CSMD3: variants seen among roughly 807,000 people sequenced by gnomAD.
The protein encoded by CSMD3 is CUB and Sushi multiple domains 3.
In CSMD3, 177 loss-of-function variants were observed where a neutral mutation model predicts 435.2. The ratio of observed to expected loss-of-function variants is 0.41; its 90% CI spans 0.36 to 0.46. The LOEUF (loss-of-function observed/expected upper bound fraction) is 0.46. CSMD3 is among the 20% of genes least tolerant of loss of function. CSMD3 has a pLI of 0.34. For missense variants in CSMD3, 4,265 were observed against 4,504.6 expected (o/e 0.95, Z 1.52); for synonymous variants, 1,656 against 1,520.5 (o/e 1.09, Z -2.07).
chr8:112,526,089 GT>G (rs998691651), intron 27 of CSMD3, among the ~76,000 whole-genome samples: 1 of 150,740 alleles, frequency 6.6e-6, no homozygotes. Context: ...TATTGTTATT[GT>G]TTCAATTTCA....
At chr8:113,379,580 AG>A (rs1282874712) in intron 1 of CSMD3, among the ~76,000 whole-genome samples, 2 of 152,208 alleles carry the variant, frequency 1.3e-5, no homozygotes, top group Non-Finnish European at 2.9e-5. Context: ...TAAGCAGATA[AG>A]GTATCAGTAA....
At chr8:113,053,795 T>A (rs1354445248) in intron 5 of CSMD3, among the ~76,000 whole-genome samples, 1 of 152,166 alleles carries the variant, frequency 6.6e-6, no homozygotes. Context: ...GTTTTATTTA[T>A]GTATATCAGC....
chr8:113,411,463 G>A (rs989574309), intron 1 of CSMD3, among the ~76,000 whole-genome samples: 1 of 152,110 alleles, frequency 6.6e-6, no homozygotes, highest in Non-Finnish European at 1.5e-5. Context: ...AAAATTGTAT[G>A]TTTCTTGAAC....
chr8:113,347,310 C>T (rs932447734), intron 1 of CSMD3, among the ~76,000 whole-genome samples: 15 of 152,024 alleles, frequency 9.9e-5, no homozygotes, highest in Non-Finnish European at 1.2e-4. Context: ...CCCATCTTAA[C>T]CTAGTGCTAA....
At chr8:112,668,493 A>G (rs937501598) in intron 16 of CSMD3, among the ~76,000 whole-genome samples, 101 of 152,272 alleles carry the variant, frequency 6.6e-4, no homozygotes, top group African/African-American at 2.4e-3. Flanking sequence ...ATTAAAAAGT[A>G]AAGTACTGAG....
chr8:113,243,213 A>G (rs1300839285), intron 3 of CSMD3, among the ~76,000 whole-genome samples: 1 of 152,012 alleles, frequency 6.6e-6, no homozygotes, highest in African/African-American at 2.4e-5. Flanking sequence ...ATTTATCCAC[A>G]CATTCTTTCT....
At chr8:112,263,298 C>T (rs953733982) in intron 61 of CSMD3, among the ~76,000 whole-genome samples, 5 of 151,836 alleles carry the variant, frequency 3.3e-5, no homozygotes, top group South Asian at 2.1e-4. Flanking sequence ...GATTTATTGC[C>T]GAAAAAGATT....
intron 58 of CSMD3, among the ~76,000 whole-genome samples, 196 bp from the exon 59 acceptor site, chr8:112,281,546 A>G (rs1818644020): frequency 1.3e-5 from 2 of 152,206 alleles, no homozygotes; most frequent in African/African-American, 4.8e-5. Context: ...ACTGGGATGC[A>G]AATTATAACA....
chr8:112,418,525 T>C lies in CSMD3; in HGVS notation c.5396-9493A>G, dbSNP rs190493110. ...TGCATTTTGGGATCATTATACCACT[T>C]GTATATCATGATTTTAAAGGCTTTA... On this transcript the variant is annotated intron_variant, in intron 32 of 70. Coordinates refer to ENST00000297405, the MANE Select transcript of CSMD3 (RefSeq NM_198123.2). 1.1e-3 allele frequency among the ~76,000 whole-genome samples: 165 copies of C among 152,274 alleles called. 2 individuals carry two copies. The highest frequency in any genetic ancestry group is 8.2e-4 in the Non-Finnish European group (56 of 68,006).
At chr8:113,268,785 T>C (rs1157667312) in intron 3 of CSMD3, among the ~76,000 whole-genome samples, 2 of 152,116 alleles carry the variant, frequency 1.3e-5, no homozygotes. Flanking sequence ...AACTTCATGA[T>C]AGTTCTATGC....
intron 18 of CSMD3, among the ~76,000 whole-genome samples, chr8:112,651,541 ATTT>A (rs1254096334): frequency 7.3e-6 from 1 of 137,242 alleles, no homozygotes. Flanking sequence ...CACCCAGTGC[ATTT>A]TTTTTTTTTT....
chr8:113,384,413 A>T (rs2094430877), intron 1 of CSMD3, among the ~76,000 whole-genome samples: 1 of 152,150 alleles, frequency 6.6e-6, no homozygotes, highest in Non-Finnish European at 1.5e-5. Flanking sequence ...GAAGACAAAA[A>T]ACATACTAAG....
Position 112,533,230 on chromosome 8 carries a change from C to G in CSMD3, c.4565-16005G>C, listed in dbSNP as rs894569497. 1.3e-5 allele frequency among the ~76,000 whole-genome samples: 2 copies of G among 151,314 alleles called. 1 individual carries two copies. Among genetic ancestry groups the G allele is most frequent in the South Asian group, 4.2e-4 (2 of 4,802 alleles). ...AAGAAAAAGAGGAGTTATAAAATAA[C>G]CAGAAAAAAAAGTAACAAAATGACA... On this transcript the variant is annotated intron_variant, in intron 27 of 70. Transcript: ENST00000297405.
intron 38 of CSMD3, among the ~76,000 whole-genome samples, chr8:112,379,519 A>G (rs537532170): frequency 6.6e-6 from 1 of 152,260 alleles, no homozygotes; most frequent in South Asian, 2.1e-4. Context: ...ACGAGAAAAG[A>G]TACAAAAGAC....
chr8:112,336,865 A>G (rs1407808200), intron 43 of CSMD3, 36 bp from the exon 44 acceptor site: 6 of 1,537,828 alleles, frequency 3.9e-6, no homozygotes, highest in Non-Finnish European at 5.4e-6. Context: ...TAATATTTTA[A>G]AATAACAATA....
intron 1 of CSMD3, among the ~76,000 whole-genome samples, chr8:113,356,881 A>C (rs145728021): frequency 1.6e-3 from 240 of 152,266 alleles, no homozygotes; most frequent in African/African-American, 5.7e-3. Flanking sequence ...ATGTTCCTTA[A>C]GTAATACATA....
intron 9 of CSMD3, among the ~76,000 whole-genome samples, chr8:112,938,918 C>T (rs964278413): frequency 4.6e-5 from 7 of 152,000 alleles, no homozygotes; most frequent in Non-Finnish European, 8.8e-5. Flanking sequence ...TGTGAGTTTA[C>T]TCATTAGTAA....
chr8:112,259,253 T>C (rs939035529), intron 61 of CSMD3, among the ~76,000 whole-genome samples: 3 of 151,964 alleles, frequency 2.0e-5, no homozygotes, highest in African/African-American at 4.8e-5. Flanking sequence ...TGGAATACTA[T>C]GCAGCCATAA....
At chr8:113,108,855 G>T (rs1180716686) in intron 4 of CSMD3, among the ~76,000 whole-genome samples, 1 of 152,166 alleles carries the variant, frequency 6.6e-6, no homozygotes, top group Non-Finnish European at 1.5e-5. Flanking sequence ...AAATGAATAT[G>T]CTGTCTCCCA....
Sources: allele counts gnomAD v4.1 joint callset (sites outside exome capture counted in the v4.1 genomes callset), GRCh38; gene constraint gnomAD v4.1.1; transcripts MANE v1.5; gene names NCBI Gene and HGNC (gene_info 2026-07-23, HGNC 2026-07-21).